STARD6: variants seen among roughly 807,000 people sequenced by gnomAD.
STARD6 encodes the protein StAR related lipid transfer domain containing 6.
Under a neutral mutation model 22.3 loss-of-function variants are expected in STARD6, and 21 were observed. The observed-to-expected ratio is 0.94, with a 90% confidence interval of 0.67 to 1.35. STARD6 has a LOEUF of 1.35. STARD6 is among the 40% of genes most tolerant of loss of function. The probability of loss-of-function intolerance (pLI) is 0.00; values close to 1 mark genes in which losing one functional copy is unlikely to be tolerated. For synonymous variants in STARD6, 80 were observed against 88.1 expected, an observed-to-expected ratio of 0.91 and a Z score of 0.52; for missense variants, 269 against 266.9, an observed-to-expected ratio of 1.01 and a Z score of -0.05.
intron 1 of STARD6, 94 bp from the exon 2 acceptor site, chr18:54,356,538 A>G (rs1221059520): frequency 6.6e-6 from 1 of 152,224 alleles, no homozygotes; most frequent in African/African-American, 2.4e-5. Context: ...AGTGTCCTTT[A>G]TCTATACTTT....
intron 5 of STARD6, among the ~76,000 whole-genome samples, chr18:54,336,782 T>C (rs1211504519): frequency 6.6e-6 from 1 of 152,242 alleles, no homozygotes; most frequent in Non-Finnish European, 1.5e-5. Flanking sequence ...TGATGTAATA[T>C]GACTAAAATA....
chr18:54,340,061 T>A lies in STARD6; in HGVS notation c.141-2810A>T, dbSNP rs142449393. ...AAATGGTAAATAAGAAAGAATATAT[T>A]TCTAAAGCTATATTTCTATATAGAT... On this transcript the variant is annotated intron_variant, in intron 4 of 7. Transcript: ENST00000307844. 2.5e-4 allele frequency among the ~76,000 whole-genome samples: 38 copies of A among 152,244 alleles called. No homozygotes were observed. The East Asian group carries it at 6.0e-3, about 24-fold the overall frequency.
In STARD6 at chr18:54,331,759, T is replaced by C; in HGVS notation, c.368A>G (p.Asn123Ser). ...DLVYIKRYEG[N>S]MNIISSKSVD... Reference sequence around the variant, plus strand: ...CAACTTACAACTGATAATGTTCATATTTCCTTCGTAGCGCTTGATGTACAC... The same window carrying C: ...CAACTTACAACTGATAATGTTCATACTTCCTTCGTAGCGCTTGATGTACAC... The change falls in exon 6 of 8, where the codon AAT becomes AGT. Residue 123 changes from asparagine (N) to serine (S), a missense_variant. By Grantham distance (46) the Asn-to-Ser change is conservative. Transcript: ENST00000307844. The C allele has an allele frequency of 6.2e-7, 1 of 1,609,738 alleles. No homozygotes were observed. Among genetic ancestry groups the C allele is most frequent in the Non-Finnish European group, 8.5e-7 (1 of 1,177,208 alleles).
chr18:54,345,231 G>A (rs1056967636), intron 4 of STARD6, among the ~76,000 whole-genome samples: 1 of 152,016 alleles, frequency 6.6e-6, no homozygotes, highest in African/African-American at 2.4e-5. Context: ...ATTTCTATAT[G>A]CTAGGATTAA....
chr18:54,354,933 C>G (rs1363976787), intron 2 of STARD6, among the ~76,000 whole-genome samples: 1 of 152,174 alleles, frequency 6.6e-6, no homozygotes, highest in Admixed American at 6.6e-5. Flanking sequence ...AGATGATATG[C>G]TTAAGGTTCT....
chr18:54,349,532 G>A (rs1023166578), intron 4 of STARD6, among the ~76,000 whole-genome samples: 1 of 152,088 alleles, frequency 6.6e-6, no homozygotes, highest in Non-Finnish European at 1.5e-5. Context: ...AGGTTTTGGG[G>A]AAACAGGTGG....
chr18:54,329,251 G>C, intron 7 of STARD6, 96 bp downstream of exon 7: 1 of 936,050 alleles, frequency 1.1e-6, no homozygotes, highest in Non-Finnish European at 1.6e-6. Context: ...AGAATATGCT[G>C]CTACATATTT....
chr18:54,331,856 T>C lies in STARD6; in HGVS notation c.271A>G (p.Thr91Ala). The part of the protein sequence containing the change: ...YNMVHRIDSD[T>A]FICHTITQSF... The stretch of plus-strand genomic sequence containing the variant: ...TGTGTAATGGTATGACATATGAATG[T>C]GTCCTGCAACAAATCAAACCGTAAA... Residue 91 changes from threonine (T) to alanine (A), a missense_variant, in exon 6 of 8, where the codon ACA becomes GCA. Transcript: ENST00000307844. 1 of 1,591,246 alleles carries C rather than the reference T, an allele frequency of 6.3e-7. No individual in the cohort carries two copies. Among genetic ancestry groups the C allele is most frequent in the Non-Finnish European group, 8.6e-7 (1 of 1,161,970 alleles).
chr18:54,349,995 T>A lies in STARD6; in HGVS notation c.140+4059A>T, dbSNP rs553325753. On this transcript the variant is annotated intron_variant, in intron 4 of 7. Coordinates refer to ENST00000307844, the MANE Select transcript of STARD6 (RefSeq NM_139171.2). ...AATGACTTCTTTTCCTCTGGATACA[T>A]ACCCAGTAGTGGGGTTGCTGGATCA... Among the ~76,000 whole-genome samples the A allele has an allele frequency of 4.2e-4, 64 of 152,326 alleles. 1 individual carries two copies. The South Asian group carries it at 0.012, about 29-fold the overall frequency.
At chr18:54,345,690 G>A (rs1196909969) in intron 4 of STARD6, among the ~76,000 whole-genome samples, 2 of 152,124 alleles carry the variant, frequency 1.3e-5, no homozygotes, top group Non-Finnish European at 2.9e-5. Context: ...CTTACTAAAA[G>A]GCTATAGTAG....
intron 4 of STARD6, among the ~76,000 whole-genome samples, chr18:54,351,635 G>A (rs756776986): frequency 6.6e-6 from 1 of 152,220 alleles, no homozygotes; most frequent in South Asian, 2.1e-4. Flanking sequence ...TGCCTATTTT[G>A]TTGAGGGTTT....
intron 4 of STARD6, among the ~76,000 whole-genome samples, chr18:54,338,909 G>A (rs935914525): frequency 3.3e-5 from 5 of 151,726 alleles, no homozygotes; most frequent in South Asian, 2.1e-4. Flanking sequence ...TTAGCTGGGC[G>A]TGGTGGCATG....
Position 54,345,860 on chromosome 18 carries a change from G to A in STARD6, c.140+8194C>T, listed in dbSNP as rs2089028840. Reference sequence around the variant, plus strand: ...AAGAATCTCCAACAAATAGTGCTGGGACAATTGGATATTTACATGCAAAGA... The same window carrying A: ...AAGAATCTCCAACAAATAGTGCTGGAACAATTGGATATTTACATGCAAAGA... On this transcript the variant is annotated intron_variant, in intron 4 of 7. Coordinates refer to ENST00000307844, the MANE Select transcript of STARD6 (RefSeq NM_139171.2). 2.0e-5 allele frequency among the ~76,000 whole-genome samples: 3 copies of A among 152,122 alleles called. No individual in the cohort carries two copies. In the South Asian group the frequency reaches 6.2e-4, roughly 31 times the overall value.
At chr18:54,341,853 T>G (rs2144681820) in intron 4 of STARD6, among the ~76,000 whole-genome samples, 1 of 152,194 alleles carries the variant, frequency 6.6e-6, no homozygotes, top group South Asian at 2.1e-4. Flanking sequence ...GCCTTTAATT[T>G]TAGGAAACTA....
Position 54,354,718 on chromosome 18 carries a change from T to C in STARD6, c.-4-141A>G, listed in dbSNP as rs536012348. ...ATTACTTGATGAATGCATGTATGCATGAACCCCTCTCTCCTTACAGTCTTT... is the reference window on the plus strand; with the variant it reads ...ATTACTTGATGAATGCATGTATGCACGAACCCCTCTCTCCTTACAGTCTTT... On this transcript the variant is annotated intron_variant, in intron 2 of 7. Coordinates refer to ENST00000307844, the MANE Select transcript of STARD6 (RefSeq NM_139171.2). 32 of 604,596 alleles carry C rather than the reference T, an allele frequency of 5.3e-5. No individual in the cohort carries two copies. The Admixed American group carries it at 6.4e-4, about 12-fold the overall frequency. The allele number at this position is 604,596 out of a possible 1,614,324, so 37.5% of individuals were successfully genotyped here. A position where few individuals can be genotyped will look rare whatever the true frequency, so the allele number is the denominator to read the frequency against.
At chr18:54,338,960 A>T (rs11875208) in intron 4 of STARD6, among the ~76,000 whole-genome samples, 10,050 of 146,000 alleles carry the variant, frequency 0.069, 385 homozygotes, top group African/African-American at 0.089. Flanking sequence ...AGGCAGGAGA[A>T]TCGCTTGAAC....
chr18:54,332,709 T>G lies in STARD6; in HGVS notation c.268-850A>C, dbSNP rs560194015. On this transcript the variant is annotated intron_variant, in intron 5 of 7. Coordinates refer to ENST00000307844, the MANE Select transcript of STARD6 (RefSeq NM_139171.2). Reference sequence around the variant, plus strand: ...CATCCCCATAACCCTAGAGTGGGAATCTCTCCCTCACCAGTAGGTTGAAGA... The same window carrying G: ...CATCCCCATAACCCTAGAGTGGGAAGCTCTCCCTCACCAGTAGGTTGAAGA... Among the ~76,000 whole-genome samples the G allele has an allele frequency of 7.9e-5, 12 of 152,268 alleles. No homozygotes were observed. The South Asian group carries it at 2.5e-3, about 32-fold the overall frequency.
intron 4 of STARD6, among the ~76,000 whole-genome samples, chr18:54,353,497 A>G (rs2089115901): frequency 6.6e-6 from 1 of 152,152 alleles, no homozygotes. Flanking sequence ...CATCTCTACA[A>G]AAACATATAA....
chr18:54,353,812 A>T, intron 4 of STARD6: 1 of 309,206 alleles, frequency 3.2e-6, no homozygotes, highest in East Asian at 5.7e-5. Flanking sequence ...AAAATTTCCT[A>T]TTTAGTGAAT....
Sources: gnomAD v4.1 joint callset for allele counts (sites outside exome capture counted in the v4.1 genomes callset) on GRCh38, gnomAD v4.1.1 for gene constraint, MANE v1.5 for transcripts, NCBI Gene and HGNC (gene_info 2026-07-23, HGNC 2026-07-21) for gene names.